The following HELZ variants were observed in gnomAD, a reference collection of about 807,000 sequenced individuals.
The protein encoded by HELZ is ATP-dependent RNA helicase with zinc finger domain.
In HELZ, 23 loss-of-function variants were observed where a neutral mutation model predicts 218.2. The observed-to-expected ratio is 0.11, with a 90% confidence interval of 0.08 to 0.15. The LOEUF (loss-of-function observed/expected upper bound fraction) is 0.15, where lower values mean the gene tolerates loss of function less well. Among genes scored for constraint, HELZ ranks in the 10% least tolerant of loss-of-function variants. The pLI is 1.00. For missense variants in HELZ, 1,813 were observed against 2,353.7 expected (o/e 0.77, Z 4.75); for synonymous variants, 814 against 829.4 (o/e 0.98, Z 0.32).
intron 13 of HELZ, among the ~76,000 whole-genome samples, chr17:67,170,808 C>T (rs866392097): frequency 1.5e-4 from 21 of 143,118 alleles, no homozygotes; most frequent in African/African-American, 5.1e-4. Flanking sequence ...GCCTCAGTGA[C>T]AGAGTGAGAC....
At chr17:67,218,540 T>C in intron 4 of HELZ, 55 bp downstream of exon 4, 1 of 1,357,520 alleles carries the variant, frequency 7.4e-7, no homozygotes, top group Non-Finnish European at 1.1e-6. Context: ...CACCCCTCAA[T>C]GAAAAAGGCC....
At chr17:67,232,554 C>T (rs910009442) in intron 3 of HELZ, among the ~76,000 whole-genome samples, 1 of 152,192 alleles carries the variant, frequency 6.6e-6, no homozygotes, top group African/African-American at 2.4e-5. Context: ...CACAAAATTG[C>T]GGCAGCATAG....
Position 67,215,944 on chromosome 17 carries a change from CA to C in HELZ, c.211-10del. The stretch of plus-strand genomic sequence containing the variant: ...GCTTGCACATAATTTTTCTGCAAAA[CA>C]AAAATACAAGATAAAATTAAGTATT... On this transcript the variant is annotated splice_polypyrimidine_tract_variant and intron_variant, in intron 4 of 32. Transcript: ENST00000358691. The C allele has an allele frequency of 1.3e-6, 2 of 1,485,590 alleles. No homozygotes were observed. The highest frequency in any genetic ancestry group is 1.9e-6 in the Non-Finnish European group (2 of 1,068,216). The allele number at this position is 1,485,590 out of a possible 1,614,324, so 92.0% of individuals were successfully genotyped here.
intron 21 of HELZ, among the ~76,000 whole-genome samples, chr17:67,141,971 G>A (rs1388239874): frequency 6.6e-6 from 1 of 151,988 alleles, no homozygotes; most frequent in Non-Finnish European, 1.5e-5. Flanking sequence ...TTGAACCTGG[G>A]AGGCGAAGGT....
chr17:67,122,683 A>G (rs754643047), intron 26 of HELZ, among the ~76,000 whole-genome samples: 3 of 152,100 alleles, frequency 2.0e-5, no homozygotes, highest in Non-Finnish European at 2.9e-5. Flanking sequence ...ACTCCAGCCT[A>G]GGCAACAAGA....
At chr17:67,196,376 T>C (rs778814128) in intron 7 of HELZ, among the ~76,000 whole-genome samples, 4 of 152,210 alleles carry the variant, frequency 2.6e-5, no homozygotes, top group Admixed American at 6.5e-5. Flanking sequence ...GCGCCAACCA[T>C]AGCACTTTTT....
At chr17:67,122,601 G>A (rs188207893) in intron 26 of HELZ, among the ~76,000 whole-genome samples, 5 of 151,782 alleles carry the variant, frequency 3.3e-5, no homozygotes, top group Non-Finnish European at 4.4e-5. Context: ...CCAGCTACTC[G>A]GGAGGCTGAG....
At chr17:67,124,062 T>C in intron 24 of HELZ, 48 bp from the exon 25 acceptor site, 5 of 1,210,246 alleles carry the variant, frequency 4.1e-6, no homozygotes, top group Non-Finnish European at 6.1e-6. Flanking sequence ...TGTTTAGTAT[T>C]AGAAAACAAT....
At chr17:67,116,831 T>C in intron 27 of HELZ, among the ~76,000 whole-genome samples, 1 of 152,152 alleles carries the variant, frequency 6.6e-6, no homozygotes, top group East Asian at 1.9e-4. Flanking sequence ...TGAACAACTC[T>C]ACCAACCAAC....
chr17:67,116,300 A>G (rs1258603444), intron 27 of HELZ, among the ~76,000 whole-genome samples: 2 of 152,144 alleles, frequency 1.3e-5, no homozygotes, highest in African/African-American at 4.8e-5. Flanking sequence ...ACAAATAGCA[A>G]GATGATAGAA....
At chr17:67,155,693 T>G (rs1018896857) in intron 17 of HELZ, among the ~76,000 whole-genome samples, 1 of 152,112 alleles carries the variant, frequency 6.6e-6, no homozygotes, top group East Asian at 1.9e-4. Flanking sequence ...AAAAGTTAAC[T>G]GGGCGTGGTG....
At chr17:67,232,052 CAAA>C (rs754429326) in intron 3 of HELZ, among the ~76,000 whole-genome samples, 474 of 42,434 alleles carry the variant, frequency 0.011, 3 homozygotes, top group African/African-American at 0.031. Context: ...GACTCCATCT[CAAA>C]AAAAAAAAAA....
rs982894237 is a variant in HELZ, at chr17:67,206,918, T to G, written c.248-3475A>C. Among the ~76,000 whole-genome samples the G allele has an allele frequency of 9.4e-5, 14 of 149,564 alleles. No homozygotes were observed. The South Asian group carries it at 1.5e-3, about 16-fold the overall frequency. ...CGGGTTTTTTTGTTTTTTGTTTTTT[T>G]GGGTTTTTTTTGAGACAGAGTTTCG... On this transcript the variant is annotated intron_variant, in intron 5 of 32. Transcript: ENST00000358691.
intron 28 of HELZ, among the ~76,000 whole-genome samples, chr17:67,111,162 A>G (rs1369727271): frequency 6.6e-6 from 1 of 152,210 alleles, no homozygotes; most frequent in Non-Finnish European, 1.5e-5. Flanking sequence ...ATCAGAGGAA[A>G]CTACAAGAGC....
At chr17:67,191,140 G>T (rs58100350) in intron 9 of HELZ, among the ~76,000 whole-genome samples, 7,700 of 152,198 alleles carry the variant, frequency 0.051, 675 homozygotes, top group African/African-American at 0.18. Context: ...TGAAAAAACA[G>T]TTAACATATG....
In HELZ at chr17:67,109,201, A is replaced by G; in HGVS notation, c.4404T>C (p.Ile1468=). 1 of 1,614,196 alleles carries G rather than the reference A, an allele frequency of 6.2e-7. No individual in the cohort carries two copies. Among genetic ancestry groups the G allele is most frequent in the Non-Finnish European group, 8.5e-7 (1 of 1,180,050 alleles). ...AAGGAAGAATGGGGCCGGGTTGTGC[A>G]ATGGCTCTCAGAGGACTGTGGCCTT... ...LQEGHSPLRA[I]AQPGPILPSH... is the part of the protein sequence containing the mutation. Residue 1468 remains isoleucine (I), a synonymous_variant, in exon 29 of 33, where the codon ATT becomes ATC. Coordinates refer to ENST00000358691, the MANE Select transcript of HELZ (RefSeq NM_014877.4).
chr17:67,092,494 G>C (rs747800091), intron 31 of HELZ, among the ~76,000 whole-genome samples: 1 of 152,120 alleles, frequency 6.6e-6, no homozygotes, highest in African/African-American at 2.4e-5. Context: ...ACAACAGTGG[G>C]ACACAGCCAG....
chr17:67,243,933 C>T, intron 1 of HELZ, 94 bp from the exon 2 acceptor site: 1 of 960,840 alleles, frequency 1.0e-6, no homozygotes, highest in African/African-American at 1.8e-5. Context: ...AGGGCATCTA[C>T]ATTTAAAATG....
rs753950894 is a variant in HELZ, at chr17:67,107,517, A to G, written c.4893T>C (p.Phe1631=). The G allele has an allele frequency of 3.1e-6, 5 of 1,614,156 alleles. No individual in the cohort carries two copies. Among genetic ancestry groups the G allele is most frequent in the Non-Finnish European group, 4.2e-6 (5 of 1,180,020 alleles). ...CTCTGCTGTTATCATTAAAGTTAGAAAAGTGGCTACTGTGGTCTGTACTGG... is the reference window on the plus strand; with the variant it reads ...CTCTGCTGTTATCATTAAAGTTAGAGAAGTGGCTACTGTGGTCTGTACTGG... The part of the protein sequence containing the change: ...PPSSTDHSSH[F]SNFNDNSRDI... Residue 1631 remains phenylalanine (F), a synonymous_variant, in exon 31 of 33, where the codon TTT becomes TTC. Transcript: ENST00000358691.
Sources: allele counts gnomAD v4.1 joint callset (sites outside exome capture counted in the v4.1 genomes callset), GRCh38; gene constraint gnomAD v4.1.1; transcripts MANE v1.5; gene names NCBI Gene and HGNC (gene_info 2026-07-23, HGNC 2026-07-21).